Variants in ITGA9 observed in about 807,000 individuals in gnomAD.
ITGA9 encodes the protein integrin subunit alpha 9.
Under a neutral mutation model 127.8 loss-of-function variants are expected in ITGA9, and 56 were observed. The observed-to-expected ratio is 0.44, with a 90% CI of 0.35 to 0.55. The LOEUF (loss-of-function observed/expected upper bound fraction) is 0.55. Ranked by LOEUF, ITGA9 falls within the 20% of genes least tolerant of loss-of-function variation. The pLI is 0.00. For synonymous variants in ITGA9, 508 were observed against 514.5 expected (o/e 0.99, Z 0.17); for missense variants, 1,196 against 1,347.1 (o/e 0.89, Z 1.76).
chr3:37,770,993 T>G (rs924272641), intron 23 of ITGA9, among the ~76,000 whole-genome samples: 4 of 152,246 alleles, frequency 2.6e-5, no homozygotes, highest in African/African-American at 9.6e-5. Flanking sequence ...GCCTTGTCAC[T>G]GTGTCCTGCA....
intron 17 of ITGA9, among the ~76,000 whole-genome samples, chr3:37,664,844 T>C (rs1700570659): frequency 6.6e-6 from 1 of 151,990 alleles, no homozygotes; most frequent in Non-Finnish European, 1.5e-5. Flanking sequence ...TGAGGGAAGG[T>C]GAATAGGAAC....
chr3:37,561,353 C>CA (rs1699485942), intron 15 of ITGA9, among the ~76,000 whole-genome samples: 1 of 152,190 alleles, frequency 6.6e-6, no homozygotes, highest in African/African-American at 2.4e-5. Context: ...CCGTATCAGA[C>CA]AGTGCAGGTC....
chr3:37,552,162 G>A (rs759085481), intron 15 of ITGA9, among the ~76,000 whole-genome samples: 1 of 152,104 alleles, frequency 6.6e-6, no homozygotes, highest in Non-Finnish European at 1.5e-5. Context: ...GCAGTGACGC[G>A]TCGGTGCAGA....
intron 19 of ITGA9, among the ~76,000 whole-genome samples, chr3:37,735,811 T>C (rs1254899843): frequency 6.6e-6 from 1 of 152,220 alleles, no homozygotes; most frequent in Non-Finnish European, 1.5e-5. Flanking sequence ...CATGAAATTA[T>C]CGTGGGTGAT....
intron 15 of ITGA9, among the ~76,000 whole-genome samples, chr3:37,624,650 C>T (rs915445037): frequency 1.2e-4 from 18 of 152,160 alleles, no homozygotes; most frequent in African/African-American, 4.3e-4. Flanking sequence ...CTCTGTCACC[C>T]AGGCTGGAGT....
chr3:37,715,331 C>T (rs1380409600), intron 18 of ITGA9, among the ~76,000 whole-genome samples: 1 of 152,152 alleles, frequency 6.6e-6, no homozygotes, highest in African/African-American at 2.4e-5. Context: ...TGTATTTTTA[C>T]AGGGAGGTAC....
chr3:37,818,694 A>G, intron 27 of ITGA9, 197 bp from the exon 28 acceptor site: 1 of 624,484 alleles, frequency 1.6e-6, no homozygotes, highest in South Asian at 1.9e-5. Flanking sequence ...TATCACCCGC[A>G]GGAAGTCCAT....
chr3:37,536,211 C>T (rs1575141871), intron 14 of ITGA9, among the ~76,000 whole-genome samples: 1 of 152,356 alleles, frequency 6.6e-6, no homozygotes, highest in Non-Finnish European at 1.5e-5. Context: ...CAGGAACCCA[C>T]AGCTGAGACA....
At chr3:37,473,517 C>A (rs1698459624) in intron 3 of ITGA9, 57 bp downstream of exon 3, 2 of 1,310,224 alleles carry the variant, frequency 1.5e-6, no homozygotes, top group Non-Finnish European at 1.1e-6. Context: ...AATGAATGAT[C>A]TGTTAGGAAG....
At chr3:37,526,127 C>T in intron 13 of ITGA9, 56 bp downstream of exon 13, 4 of 1,414,792 alleles carry the variant, frequency 2.8e-6, no homozygotes, top group East Asian at 2.3e-5. Context: ...AGGGATGGAG[C>T]CATTCACCAT....
In ITGA9 at chr3:37,629,093, G is replaced by A. The variant is rs543185662; in HGVS notation, c.1690-94G>A. 2.1e-6 allele frequency: 3 copies of A among 1,405,382 alleles called. No individual in the cohort carries two copies. The highest frequency in any genetic ancestry group is 2.8e-5 in the African/African-American group (2 of 70,666). 87.1% of individuals were successfully genotyped at this position (1,405,382 alleles called of 1,614,324 possible). A position where few individuals can be genotyped will look rare whatever the true frequency, so the allele number is the denominator to read the frequency against. On this transcript the variant is annotated intron_variant, in intron 15 of 27. Transcript: ENST00000264741. This position sits in a 1 kb window ranked among gnomAD's most constrained non-coding sequence, Gnocchi z 4.5. ...AGGGTGATTGTGAGGATTATATGAG[G>A]CAATTCATGTAGAAGGTCTTTGTAA...
At chr3:37,811,601 T>A (rs995486964) in intron 27 of ITGA9, among the ~76,000 whole-genome samples, 6 of 152,208 alleles carry the variant, frequency 3.9e-5, no homozygotes, top group Non-Finnish European at 7.3e-5. Flanking sequence ...CTGTCCTTGT[T>A]TGTTTGCAGT....
intron 27 of ITGA9, among the ~76,000 whole-genome samples, chr3:37,804,552 G>A (rs755897911): frequency 1.2e-4 from 19 of 152,130 alleles, no homozygotes; most frequent in African/African-American, 3.1e-4. Flanking sequence ...TCAGAGACCC[G>A]GAGTCCTTTT....
chr3:37,640,620 T>C (rs1700322937), intron 16 of ITGA9, among the ~76,000 whole-genome samples: 1 of 152,180 alleles, frequency 6.6e-6, no homozygotes, highest in South Asian at 2.1e-4. Context: ...AGATAATAGA[T>C]TTGTGTTATT....
intron 15 of ITGA9, among the ~76,000 whole-genome samples, chr3:37,560,253 C>T (rs1160732215): frequency 6.6e-6 from 1 of 152,184 alleles, no homozygotes; most frequent in Non-Finnish European, 1.5e-5. Context: ...TTTTCAGCTT[C>T]ATCCGTGTCC....
intron 17 of ITGA9, among the ~76,000 whole-genome samples, chr3:37,676,065 A>G (rs1316453208): frequency 6.6e-6 from 1 of 152,160 alleles, no homozygotes; most frequent in Admixed American, 6.6e-5. Flanking sequence ...TTTCATTTTT[A>G]CCCAAATTTA....
In ITGA9 at chr3:37,584,791, C is replaced by T. The variant is rs141455536; in HGVS notation, c.1689+42206C>T. ...ATATTATTATTAATAATAATACAGT[C>T]GATCACAGGCAGTGTAATTATTTGA... is the stretch of plus-strand genomic sequence containing the variant. On this transcript the variant is annotated intron_variant, in intron 15 of 27. Transcript: ENST00000264741. Among the ~76,000 whole-genome samples the T allele has an allele frequency of 2.4e-4, 37 of 151,942 alleles. No homozygotes were observed. In the East Asian group the frequency reaches 4.4e-3, roughly 18 times the overall value.
At chr3:37,658,444 T>A (rs1700499189) in intron 17 of ITGA9, among the ~76,000 whole-genome samples, 1 of 152,180 alleles carries the variant, frequency 6.6e-6, no homozygotes, top group Admixed American at 6.5e-5. Context: ...TGTAATGCCA[T>A]TCTTTATGTT....
At chr3:37,508,765 CT>C (rs1698871470) in intron 8 of ITGA9, 138 bp downstream of exon 8, 8 of 718,578 alleles carry the variant, frequency 1.1e-5, no homozygotes, top group Non-Finnish European at 2.0e-5. Flanking sequence ...TTGTTGGTGT[CT>C]TTACCTTCTC....
Sources: allele counts gnomAD v4.1 joint callset (sites outside exome capture counted in the v4.1 genomes callset), GRCh38; gene constraint gnomAD v4.1.1; non-coding constraint Gnocchi (gnomAD v3.1); transcripts MANE v1.5; gene names NCBI Gene and HGNC (gene_info 2026-07-23, HGNC 2026-07-21).